Variants in RAB5C observed in about 807,000 individuals in gnomAD.
The protein encoded by RAB5C is ras-related protein Rab-5C.
In RAB5C, 4 loss-of-function variants were observed where a neutral mutation model predicts 25.2. The observed-to-expected ratio is 0.16, with a 90% CI of 0.08 to 0.36. The LOEUF (loss-of-function observed/expected upper bound fraction) is 0.36. Among genes scored for constraint, RAB5C ranks in the 10% least tolerant of loss-of-function variants. RAB5C has a pLI of 1.00. For missense variants in RAB5C, 199 were observed against 283.8 expected, an observed-to-expected ratio of 0.70 and a Z score of 2.15; for synonymous variants, 100 against 106.4, an observed-to-expected ratio of 0.94 and a Z score of 0.37.
Position 42,125,916 on chromosome 17 carries a change from A to T in RAB5C, c.536-18T>A. 1 of 1,574,858 alleles carries T rather than the reference A, an allele frequency of 6.3e-7. No homozygotes were observed. The highest frequency in any genetic ancestry group is 8.7e-7 in the Non-Finnish European group (1 of 1,153,566). On this transcript the variant is annotated intron_variant, in intron 5 of 5. Transcript: ENST00000346213. ...CTTCTTAGCTGTTTGGGAGGGGGAA[A>T]AGTGCATTTGTTGGGGGTACCCCAA... is the stretch of plus-strand genomic sequence containing the variant.
At chr17:42,147,544 T>C (rs1440550916) in intron 1 of RAB5C, among the ~76,000 whole-genome samples, 1 of 152,222 alleles carries the variant, frequency 6.6e-6, no homozygotes, top group Non-Finnish European at 1.5e-5. Flanking sequence ...GCCCTCATTG[T>C]CCCATTAAAC....
chr17:42,126,108 G>C (rs1333709269), intron 5 of RAB5C, among the ~76,000 whole-genome samples: 2 of 152,188 alleles, frequency 1.3e-5, no homozygotes, highest in African/African-American at 4.8e-5. Flanking sequence ...ATGAGTGGTA[G>C]AGCCAGGATC....
intron 4 of RAB5C, among the ~76,000 whole-genome samples, chr17:42,127,547 CTTTT>C (rs113883357): frequency 1.1e-3 from 158 of 143,056 alleles, no homozygotes; most frequent in African/African-American, 3.9e-3. Context: ...TTATTCTTTT[CTTTT>C]TTTTTTTTTT....
chr17:42,152,061 G>A (rs895398715), intron 1 of RAB5C, among the ~76,000 whole-genome samples: 10 of 151,908 alleles, frequency 6.6e-5, no homozygotes, highest in African/African-American at 2.4e-4. Context: ...ATCGATCTTA[G>A]GCAAACTACT....
intron 1 of RAB5C, among the ~76,000 whole-genome samples, chr17:42,137,221 A>T (rs556962605): frequency 6.6e-6 from 1 of 151,734 alleles, no homozygotes; most frequent in Non-Finnish European, 1.5e-5. Flanking sequence ...CAGGAGAATC[A>T]CTTGAACCCA....
rs1227690997 is a variant in RAB5C at position 42,144,963 on chromosome 17, A to G, written c.-89+9930T>C. 1.5e-4 allele frequency among the ~76,000 whole-genome samples: 18 copies of G among 117,698 alleles called. 2 individuals carry two copies. Among genetic ancestry groups the G allele is most frequent in the African/African-American group, 5.8e-4 (18 of 31,100 alleles). 77.2% of individuals were successfully genotyped at this position (117,698 alleles called of 152,430 possible). ...AAAAAAAAAAAAAAAAAAAAAAAAA[A>G]AAAAAAAAAAAAAAAAAGAAACCCC... On this transcript the variant is annotated intron_variant, in intron 1 of 5. Transcript: ENST00000346213.
At chr17:42,148,440 G>A (rs1446416644) in intron 1 of RAB5C, among the ~76,000 whole-genome samples, 1 of 151,012 alleles carries the variant, frequency 6.6e-6, no homozygotes, top group Non-Finnish European at 1.5e-5. Flanking sequence ...GTGGGCAGGT[G>A]TTTGGTGTTT....
chr17:42,153,822 T>C (rs1222031401), intron 1 of RAB5C, among the ~76,000 whole-genome samples: 2 of 152,368 alleles, frequency 1.3e-5, no homozygotes, highest in Middle Eastern at 3.4e-3. Flanking sequence ...CTTTCTGGCA[T>C]GTATCGGAAT....
In RAB5C at chr17:42,139,391, G is replaced by A. The variant is rs868101260; in HGVS notation, c.-88-8801C>T. Among the ~76,000 whole-genome samples the A allele has an allele frequency of 1.9e-4, 29 of 152,340 alleles. 1 individual carries two copies. Among genetic ancestry groups the A allele is most frequent in the Middle Eastern group, 3.4e-3 (1 of 294 alleles). On this transcript the variant is annotated intron_variant, in intron 1 of 5. Transcript: ENST00000346213. Reference sequence around the variant, plus strand: ...GGCACCAGGGGGGCCAGGCCCTAACGCTGACATTCCTGAGACTGTTCTCCC... The same window carrying A: ...GGCACCAGGGGGGCCAGGCCCTAACACTGACATTCCTGAGACTGTTCTCCC...
chr17:42,137,379 G>T (rs943602138), intron 1 of RAB5C, among the ~76,000 whole-genome samples: 1 of 151,002 alleles, frequency 6.6e-6, no homozygotes, highest in Non-Finnish European at 1.5e-5. Flanking sequence ...GTAAATACAT[G>T]AGTGTATAAT....
At chr17:42,131,165 A>G (rs1163383281) in intron 1 of RAB5C, among the ~76,000 whole-genome samples, 1 of 152,082 alleles carries the variant, frequency 6.6e-6, no homozygotes, top group African/African-American at 2.4e-5. Context: ...GTTGTTATTA[A>G]CATAGCCATT....
intron 1 of RAB5C, among the ~76,000 whole-genome samples, chr17:42,133,501 C>T (rs930894455): frequency 2.6e-5 from 4 of 152,218 alleles, no homozygotes; most frequent in African/African-American, 9.6e-5. Context: ...TGGTTCTCAA[C>T]GGTGTCTGTA....
At chr17:42,144,723 T>G (rs1432110840) in intron 1 of RAB5C, among the ~76,000 whole-genome samples, 1 of 150,804 alleles carries the variant, frequency 6.6e-6, no homozygotes, top group African/African-American at 2.4e-5. Context: ...GGTCAGGAGA[T>G]CGAGACCATC....
chr17:42,140,509 ATATATATTTTTTT>A (rs1307572781), intron 1 of RAB5C, among the ~76,000 whole-genome samples: 2 of 36,206 alleles, frequency 5.5e-5, no homozygotes, highest in African/African-American at 6.3e-4. Context: ...ATATATATAT[ATATATATTTTTTT>A]TTTTTTTTTT....
chr17:42,136,290 C>G (rs2054535820), intron 1 of RAB5C: 1 of 152,232 alleles, frequency 6.6e-6, no homozygotes, highest in African/African-American at 2.4e-5. Context: ...CACAGCTCTT[C>G]CTCAAAAGGG....
chr17:42,135,608 T>C (rs1388566976), intron 1 of RAB5C, among the ~76,000 whole-genome samples: 1 of 152,176 alleles, frequency 6.6e-6, no homozygotes. Flanking sequence ...AACTCGTAAG[T>C]GTGCATGTGT....
At chr17:42,142,607 C>G (rs1252989937) in intron 1 of RAB5C, among the ~76,000 whole-genome samples, 1 of 152,198 alleles carries the variant, frequency 6.6e-6, no homozygotes, top group Non-Finnish European at 1.5e-5. Flanking sequence ...TCCTCCATGC[C>G]TGGGATGCCT....
chr17:42,129,285 G>T (rs1224387033), intron 2 of RAB5C, among the ~76,000 whole-genome samples: 1 of 152,246 alleles, frequency 6.6e-6, no homozygotes, highest in East Asian at 1.9e-4. Context: ...ACTTAGCTAT[G>T]CTGGGGAAGT....
At chr17:42,136,187 C>T (rs1311528543) in intron 1 of RAB5C, 1 of 152,154 alleles carries the variant, frequency 6.6e-6, no homozygotes, top group Non-Finnish European at 1.5e-5. Context: ...AAGTGGAAGA[C>T]ATTTGATTTA....
Sources: allele counts gnomAD v4.1 joint callset (sites outside exome capture counted in the v4.1 genomes callset), GRCh38; gene constraint gnomAD v4.1.1; transcripts MANE v1.5; gene names NCBI Gene and HGNC (gene_info 2026-07-23, HGNC 2026-07-21).